Variants in PPP2R3B observed in about 807,000 individuals in gnomAD.
The protein encoded by PPP2R3B is serine/threonine-protein phosphatase 2A regulatory subunit B'' subunit beta.
Under a neutral mutation model 72.9 loss-of-function variants are expected in PPP2R3B, and 68 were observed. That is an observed-to-expected ratio of 0.93 (90% CI 0.77 to 1.14). The LOEUF (loss-of-function observed/expected upper bound fraction) is 1.14. Ranked by LOEUF, PPP2R3B falls within the 50% of genes most tolerant of loss-of-function variation. The pLI, the probability that PPP2R3B is intolerant of heterozygous loss-of-function variation, is 0.00. For synonymous variants in PPP2R3B, 466 were observed against 375.8 expected (o/e 1.24, Z -2.78); for missense variants, 1,018 against 842.0 (o/e 1.21, Z -2.59).
chrX:386,298 G>A (rs1174974028), intron 1 of PPP2R3B, 70 bp downstream of exon 1: 8 of 1,228,634 alleles, frequency 6.5e-6, no homozygotes, highest in Non-Finnish European at 8.3e-6. Context: ...AGCCTCCATC[G>A]CGCAGCCACA....
chrX:363,268 G>C (rs1229233224), intron 1 of PPP2R3B, among the ~76,000 whole-genome samples: 4 of 151,458 alleles, frequency 2.6e-5, no homozygotes, highest in Admixed American at 2.0e-4. Flanking sequence ...ATCCCGCAGT[G>C]CATCTCCCCG....
intron 5 of PPP2R3B, 175 bp downstream of exon 5, chrX:346,526 C>G (rs747984753): frequency 1.5e-6 from 1 of 667,600 alleles, no homozygotes; most frequent in African/African-American, 1.9e-5. Context: ...AAACCAGAGT[C>G]CCCCCAACAC....
Position 341,202 on chromosome X carries a change from G to A in PPP2R3B, c.1175+105C>T, listed in dbSNP as rs113509535. On this transcript the variant is annotated intron_variant, in intron 9 of 12. Coordinates refer to ENST00000390665, the MANE Select transcript of PPP2R3B (RefSeq NM_013239.5). ...GGGCGTGCACATGTCCCCCTGTGCC[G>A]TGCAGCCCCCACCAGGCGTGCAGGC... 4.5e-5 allele frequency: 50 copies of A among 1,102,532 alleles called. 1 individual carries two copies. In the East Asian group the frequency reaches 6.2e-4, roughly 14 times the overall value. 68.3% of individuals were successfully genotyped at this position (1,102,532 alleles called of 1,614,324 possible).
At chrX:359,023 G>C (rs771728834) in intron 2 of PPP2R3B, among the ~76,000 whole-genome samples, 99 of 152,320 alleles carry the variant, frequency 6.5e-4, no homozygotes, top group Non-Finnish European at 1.2e-3. Context: ...GCACTGAGGG[G>C]AATACATGGG....
chrX:341,941 A>T lies in PPP2R3B; in HGVS notation c.1037-10T>A. On this transcript the variant is annotated splice_polypyrimidine_tract_variant and intron_variant, in intron 7 of 12. Transcript: ENST00000390665. ...ATCTTGGTAGAAAGGGCTGGAAAGG[A>T]ATGCGGTTGATGGGCAGCCCGCACC... is the stretch of plus-strand genomic sequence containing the variant. 6.2e-7 allele frequency: 1 copy of T among 1,612,602 alleles called. No homozygotes were observed. Among genetic ancestry groups the T allele is most frequent in the Non-Finnish European group, 8.5e-7 (1 of 1,179,726 alleles).
chrX:340,792 G>A lies in PPP2R3B; in HGVS notation c.1324C>T (p.Leu442=), dbSNP rs981330016. Residue 442 remains leucine, a synonymous_variant, in exon 10 of 13, where the codon CTG becomes TTG. Transcript: ENST00000390665. ...LPFQDCLCQM[L]DLVKPRTEGK... ...TCAGTCCTCGGCTTGACCAGGTCCA[G>A]CATCTGGCAGAGGCAGTCCTGGAAG... The A allele has an allele frequency of 2.5e-6, 4 of 1,602,950 alleles. No homozygotes were observed. The African/African-American group carries it at 4.2e-5, about 17-fold the overall frequency.
In PPP2R3B at chrX:363,381, A is replaced by AAT. The variant is rs1569403690; in HGVS notation, c.325-1792_325-1791insAT. Among the ~76,000 whole-genome samples, 22 of 148,230 alleles carry AAT rather than the reference A, an allele frequency of 1.5e-4. 1 individual carries two copies. The highest frequency in any genetic ancestry group is 4.8e-4 in the African/African-American group (19 of 39,276). On this transcript the variant is annotated intron_variant, in intron 1 of 12. Transcript: ENST00000390665. ...CATCTCTCCGAGCCCACCATCCCACAGTGCATCTCCCCGAGCCCGCAATCC... is the reference window on the plus strand; with the variant it reads ...CATCTCTCCGAGCCCACCATCCCACAATGTGCATCTCCCCGAGCCCGCAATCC...
rs1348899596 is a variant in PPP2R3B, at chrX:371,551, A to G, written c.325-9961T>C. On this transcript the variant is annotated intron_variant, in intron 1 of 12. Coordinates refer to ENST00000390665, the MANE Select transcript of PPP2R3B (RefSeq NM_013239.5). ...GCACAGTCAGAAGATCAAGCTCAGG[A>G]GCACCCGCCAGGGGCTCGTGGGTGC... is the stretch of plus-strand genomic sequence containing the variant. 3.3e-5 allele frequency among the ~76,000 whole-genome samples: 5 copies of G among 152,180 alleles called. No individual in the cohort carries two copies. In the East Asian group the frequency reaches 9.7e-4, roughly 30 times the overall value.
In PPP2R3B at chrX:379,237, CTA is replaced by C. The variant is rs746420342; in HGVS notation, c.324+7129_324+7130del. The stretch of plus-strand genomic sequence containing the variant: ...TGTGTATGCACCTGTGTGTATGCAC[CTA>C]TGTGTGTGTGTGTGTATGGACCTAT... On this transcript the variant is annotated intron_variant, in intron 1 of 12. Coordinates refer to ENST00000390665, the MANE Select transcript of PPP2R3B (RefSeq NM_013239.5). Among the ~76,000 whole-genome samples the C allele has an allele frequency of 5.7e-4, 68 of 118,266 alleles. No homozygotes were observed. In the South Asian group the frequency reaches 7.8e-3, roughly 14 times the overall value. 77.6% of individuals were successfully genotyped at this position (118,266 alleles called of 152,430 possible).
chrX:386,515 G>T lies in PPP2R3B; in HGVS notation c.177C>A (p.Pro59=). ...GCCGGGGGGCGGCGAGCGGGGCTGTGGGCCAGGCCCCGGGCTGCTCCCCGT... is the reference window on the plus strand; with the variant it reads ...GCCGGGGGGCGGCGAGCGGGGCTGTTGGCCAGGCCCCGGGCTGCTCCCCGT... ...PGDGEQPGAW[P]TAPLAAPRPS... is the part of the protein sequence containing the mutation. The change falls in exon 1 of 13, where the codon CCC becomes CCA. Residue 59 remains proline, a synonymous_variant. Coordinates refer to ENST00000390665, the MANE Select transcript of PPP2R3B (RefSeq NM_013239.5). The T allele has an allele frequency of 7.4e-7, 1 of 1,350,106 alleles. No homozygotes were observed. Among genetic ancestry groups the T allele is most frequent in the Non-Finnish European group, 9.5e-7 (1 of 1,048,134 alleles). The allele number at this position is 1,350,106 out of a possible 1,614,324, so 83.6% of individuals were successfully genotyped here.
Position 356,922 on chromosome X carries a change from T to TGG in PPP2R3B, c.510+4482_510+4483insCC, listed in dbSNP as rs1569397953. Among the ~76,000 whole-genome samples the TGG allele has an allele frequency of 5.2e-3, 555 of 105,842 alleles. 3 individuals carry two copies. Among genetic ancestry groups the TGG allele is most frequent in the African/African-American group, 0.012 (336 of 28,084 alleles). 69.4% of individuals were successfully genotyped at this position (105,842 alleles called of 152,430 possible). On this transcript the variant is annotated intron_variant, in intron 2 of 12. Coordinates refer to ENST00000390665, the MANE Select transcript of PPP2R3B (RefSeq NM_013239.5). ...AGCGAGCCCCACGGTAACCACGCCT[T>TGG]CGCCAGCCACACAGCGAGCCCCACA...
intron 1 of PPP2R3B, chrX:373,572 A>G: frequency 3.5e-6 from 1 of 284,796 alleles, no homozygotes; most frequent in Non-Finnish European, 7.5e-6. Flanking sequence ...CCGAGAGGGC[A>G]GCACGAAGTC....
At position 345,589 on chromosome X, in the gene PPP2R3B, G is replaced by C; in HGVS notation, c.963C>G (p.Cys321Trp). 1 of 1,613,316 alleles carries C rather than the reference G, an allele frequency of 6.2e-7. No individual in the cohort carries two copies. Among genetic ancestry groups the C allele is most frequent in the Non-Finnish European group, 8.5e-7 (1 of 1,179,574 alleles). ...GGTCCGTGTCCAGCTCCCAGAACTT[G>C]CAGTAGATGACGTAGAAATGCTCGT... ...FSYEHFYVIY[C>W]KFWELDTDHD... is the part of the protein sequence containing the mutation. The change falls in exon 7 of 13, where the codon TGC (cysteine) becomes TGG (tryptophan). Residue 321 changes from cysteine (C) to tryptophan (W), a missense_variant. Transcript: ENST00000390665.
At chrX:350,021 T>C (rs1329987126) in intron 2 of PPP2R3B, among the ~76,000 whole-genome samples, 1 of 152,210 alleles carries the variant, frequency 6.6e-6, no homozygotes. Context: ...GACAGGCTCA[T>C]GTGAAAACTT....
At chrX:350,192 C>A (rs1337027172) in intron 2 of PPP2R3B, among the ~76,000 whole-genome samples, 1 of 152,204 alleles carries the variant, frequency 6.6e-6, no homozygotes, top group East Asian at 1.9e-4. Context: ...TGAGTTGGGA[C>A]AGAGCCCCGT....
At chrX:380,786 C>CAAAA (rs1054118917) in intron 1 of PPP2R3B, among the ~76,000 whole-genome samples, 10 of 53,126 alleles carry the variant, frequency 1.9e-4, no homozygotes, top group South Asian at 9.5e-4. Flanking sequence ...AACTCCATCT[C>CAAAA]AAAAAAAAAA....
chrX:356,216 T>C (rs751387363), intron 2 of PPP2R3B, among the ~76,000 whole-genome samples: 1 of 152,222 alleles, frequency 6.6e-6, no homozygotes, highest in African/African-American at 2.4e-5. Flanking sequence ...GGTTTTTTGT[T>C]TTTTGTTTTT....
chrX:382,121 G>T (rs2072139706), intron 1 of PPP2R3B, among the ~76,000 whole-genome samples: 1 of 151,634 alleles, frequency 6.6e-6, no homozygotes, highest in South Asian at 2.1e-4. Flanking sequence ...CGGTCCACAC[G>T]CATCCTTCCT....
intron 2 of PPP2R3B, among the ~76,000 whole-genome samples, chrX:348,295 GCT>G (rs1196951623): frequency 2.6e-5 from 4 of 151,824 alleles, no homozygotes; most frequent in East Asian, 1.9e-4. Context: ...ACCCTGGCTG[GCT>G]GGGCGTGGTG....
Sources: gnomAD v4.1 joint callset for allele counts (sites outside exome capture counted in the v4.1 genomes callset) on GRCh38, gnomAD v4.1.1 for gene constraint, MANE v1.5 for transcripts, NCBI Gene and HGNC (gene_info 2026-07-23, HGNC 2026-07-21) for gene names.